TGFBI: variants seen among roughly 807,000 people sequenced by gnomAD.
TGFBI encodes transforming growth factor beta induced, also known as transforming growth factor-beta-induced protein ig-h3.
Under a neutral mutation model 73.7 loss-of-function variants are expected in TGFBI, and 50 were observed. The observed-to-expected ratio is 0.68, with a 90% CI of 0.54 to 0.86. The LOEUF is 0.86. Ranked by LOEUF, TGFBI falls within the 40% of genes least tolerant of loss-of-function variation. The pLI is 0.00. For synonymous variants in TGFBI, 362 were observed against 360.5 expected (o/e 1.00, Z -0.05); for missense variants, 839 against 877.0 (o/e 0.96, Z 0.55).
chr5:136,031,773 A>G (rs1751124814), intron 1 of TGFBI, among the ~76,000 whole-genome samples: 1 of 152,238 alleles, frequency 6.6e-6, no homozygotes, highest in Non-Finnish European at 1.5e-5. Flanking sequence ...CTTGAGGCCC[A>G]GAAGCAACTT....
In TGFBI at chr5:136,062,646, C is replaced by T. The variant is rs1184307421; in HGVS notation, c.1987-17C>T. 1.7e-5 allele frequency: 27 copies of T among 1,560,292 alleles called. 1 individual carries two copies. The East Asian group carries it at 6.4e-4, about 37-fold the overall frequency. ...TAACTTTCACTAGAAAACCTGACACCTTGTGTTTTCTTTCAGGCTTCCCAG... is the reference window on the plus strand; with the variant it reads ...TAACTTTCACTAGAAAACCTGACACTTTGTGTTTTCTTTCAGGCTTCCCAG... On this transcript the variant is annotated splice_polypyrimidine_tract_variant and intron_variant, in intron 15 of 16. Coordinates refer to ENST00000442011, the MANE Select transcript of TGFBI (RefSeq NM_000358.3).
At chr5:136,059,586 T>A (rs1386834923) in intron 13 of TGFBI, among the ~76,000 whole-genome samples, 1 of 152,194 alleles carries the variant, frequency 6.6e-6, no homozygotes, top group Non-Finnish European at 1.5e-5. Flanking sequence ...AGTTGTACCA[T>A]GAACCAGACC....
intron 8 of TGFBI, among the ~76,000 whole-genome samples, 159 bp from the exon 9 acceptor site, chr5:136,053,784 C>A (rs1338493480): frequency 1.3e-5 from 2 of 152,196 alleles, no homozygotes; most frequent in Non-Finnish European, 2.9e-5. Flanking sequence ...GGTGACTGTT[C>A]CCCTGATGAC....
At chr5:136,054,693 C>A in intron 9 of TGFBI, 23 bp from the exon 10 acceptor site, 7 of 1,613,896 alleles carry the variant, frequency 4.3e-6, no homozygotes, top group Non-Finnish European at 5.9e-6. Context: ...CTCTCTGGAC[C>A]TAACCATCAC....
Position 136,055,773 on chromosome 5 carries a change from A to T in TGFBI, c.1504A>T (p.Met502Leu), listed in dbSNP as rs188677757. The T allele has an allele frequency of 1.2e-6, 2 of 1,612,644 alleles. No individual in the cohort carries two copies. The highest frequency in any genetic ancestry group is 1.7e-5 in the Admixed American group (1 of 59,950). Residue 502 changes from methionine (M) to leucine (L), a missense_variant, in exon 11 of 17, where the codon ATG becomes TTG. By Grantham distance (15) the Met-to-Leu change is conservative. Coordinates refer to ENST00000442011, the MANE Select transcript of TGFBI (RefSeq NM_000358.3). ...GATGGACCGGGTGCTGACCCCCCCA[A>T]TGGGGACTGTCATGGATGTCCTGAA... Reference protein sequence around the residue: ...FTMDRVLTPPMGTVMDVLKGD... With the variant: ...FTMDRVLTPPLGTVMDVLKGD...
intron 4 of TGFBI, 159 bp downstream of exon 4, chr5:136,046,654 A>T: frequency 8.1e-7 from 1 of 1,229,792 alleles, no homozygotes; most frequent in Non-Finnish European, 1.1e-6. Flanking sequence ...GAGCTAAAAT[A>T]TGTCTTACCA....
At chr5:136,054,556 A>C in intron 9 of TGFBI, 160 bp from the exon 10 acceptor site, 1 of 985,318 alleles carries the variant, frequency 1.0e-6, no homozygotes, top group Admixed American at 1.7e-5. Context: ...TCTCCATAGA[A>C]GATACCAGAT....
At chr5:136,056,337 C>T in intron 11 of TGFBI, 1 of 290,282 alleles carries the variant, frequency 3.4e-6, no homozygotes. Context: ...CACCCCTCTG[C>T]CCTCCCAGAA....
chr5:136,062,540 C>A (rs541227687), intron 15 of TGFBI, 123 bp from the exon 16 acceptor site: 58 of 994,848 alleles, frequency 5.8e-5, no homozygotes, highest in Non-Finnish European at 8.4e-5. Context: ...TTCCACCTTC[C>A]CCTTCCTCTT....
intron 14 of TGFBI, chr5:136,061,140 T>C (rs1042235292): frequency 1.7e-6 from 1 of 595,368 alleles, no homozygotes; most frequent in Non-Finnish European, 3.0e-6. Context: ...GACACATTGC[T>C]CTTTGCGGAG....
intron 10 of TGFBI, 200 bp from the exon 11 acceptor site, chr5:136,055,480 C>T (rs748680111): frequency 1.3e-5 from 6 of 452,846 alleles, no homozygotes; most frequent in East Asian, 3.5e-5. Flanking sequence ...CCTCTCTAAC[C>T]GTTCTTTCCT....
In TGFBI at chr5:136,046,410, C is replaced by G. The variant is rs372436914; in HGVS notation, c.374C>G (p.Thr125Arg). Residue 125 changes from threonine (T) to arginine (R), a missense_variant, in exon 4 of 17, where the codon ACG (threonine) becomes AGG (arginine). Thr to Arg is a moderately conservative substitution (Grantham distance 71). Transcript: ENST00000442011. ...ACCACTCAGCTGTACACGGACCGCA[C>G]GGAGAAGCTGAGGCCTGAGATGGAG... is the stretch of plus-strand genomic sequence containing the variant. Reference protein sequence around the residue: ...STTTQLYTDRTEKLRPEMEGP... With the variant: ...STTTQLYTDRREKLRPEMEGP... 6.2e-7 allele frequency: 1 copy of G among 1,613,778 alleles called. No individual in the cohort carries two copies. Among genetic ancestry groups the G allele is most frequent in the Non-Finnish European group, 8.5e-7 (1 of 1,179,852 alleles).
chr5:136,049,431 C>T lies in TGFBI; in HGVS notation c.772-8C>T, dbSNP rs1751492031. On this transcript the variant is annotated splice_polypyrimidine_tract_variant and splice_region_variant and intron_variant, in intron 6 of 16. Coordinates refer to ENST00000442011, the MANE Select transcript of TGFBI (RefSeq NM_000358.3). The stretch of plus-strand genomic sequence containing the variant: ...CAGGGAGCACTCCATCTTCTCTCCT[C>T]CCCACAGGCTGCTGTGGCTGCATCA... 1 of 1,613,374 alleles carries T rather than the reference C, an allele frequency of 6.2e-7. No individual in the cohort carries two copies. Among genetic ancestry groups the T allele is most frequent in the African/African-American group, 1.3e-5 (1 of 74,936 alleles).
chr5:136,063,045 C>T, intron 16 of TGFBI, 141 bp from the exon 17 acceptor site: 1 of 743,568 alleles, frequency 1.3e-6, no homozygotes, highest in South Asian at 1.8e-5. Flanking sequence ...TGAAGTTTCA[C>T]AAACCACAAA....
intron 7 of TGFBI, among the ~76,000 whole-genome samples, chr5:136,052,696 C>A (rs1751556934): frequency 6.6e-6 from 1 of 152,192 alleles, no homozygotes; most frequent in South Asian, 2.1e-4. Context: ...CTCCCAGGGT[C>A]CCACAGCTGG....
At chr5:136,054,217 T>G in intron 9 of TGFBI, 137 bp downstream of exon 9, 1 of 1,242,014 alleles carries the variant, frequency 8.1e-7, no homozygotes, top group Non-Finnish European at 1.1e-6. Context: ...AAAGCAGATG[T>G]GACTTCAGCA....
At chr5:136,058,721 A>C (rs1442136446) in intron 12 of TGFBI, 1 of 168,896 alleles carries the variant, frequency 5.9e-6, no homozygotes, top group African/African-American at 2.4e-5. Context: ...GGTGCTGGAA[A>C]GGTCCCTGGC....
intron 14 of TGFBI, 49 bp from the exon 15 acceptor site, chr5:136,061,451 A>G (rs369745773): frequency 1.1e-4 from 148 of 1,384,338 alleles, no homozygotes; most frequent in Non-Finnish European, 1.5e-5. Context: ...TATGAATGAC[A>G]TGCTAATGGT....
At chr5:136,052,332 A>C (rs1751551923) in intron 7 of TGFBI, among the ~76,000 whole-genome samples, 1 of 152,274 alleles carries the variant, frequency 6.6e-6, no homozygotes, top group African/African-American at 2.4e-5. Flanking sequence ...CAGCTAGTAG[A>C]CCCTTGGGCT....
Sources: allele counts gnomAD v4.1 joint callset (sites outside exome capture counted in the v4.1 genomes callset), GRCh38; gene constraint gnomAD v4.1.1; transcripts MANE v1.5; gene names NCBI Gene and HGNC (gene_info 2026-07-23, HGNC 2026-07-21).